The following MAPT variants were observed in gnomAD, a reference collection of about 807,000 sequenced individuals.
MAPT encodes the protein microtubule-associated protein tau.
MAPT carries 34 observed loss-of-function variants against 67.9 expected under a neutral mutation model. The ratio of observed to expected loss-of-function variants is 0.50; its 90% CI spans 0.38 to 0.67. MAPT has a LOEUF of 0.67. Ranked by LOEUF, MAPT falls within the 30% of genes least tolerant of loss-of-function variation. MAPT has a pLI of 0.00. For missense variants in MAPT, 881 were observed against 1,115.2 expected, an observed-to-expected ratio of 0.79 and a Z score of 2.99; for synonymous variants, 456 against 464.5, an observed-to-expected ratio of 0.98 and a Z score of 0.23.
intron 9 of MAPT, among the ~76,000 whole-genome samples, chr17:46,006,974 TAAAATAAATAAAATA>T (rs2075483932): frequency 9.6e-6 from 1 of 104,262 alleles, no homozygotes; most frequent in Non-Finnish European, 2.5e-5. Flanking sequence ...TAAAATAAAA[TAAAATAAATAAAATA>T]AAATAAAATG....
At chr17:45,982,192 C>T (rs1042449673) in intron 4 of MAPT, among the ~76,000 whole-genome samples, 31 of 151,692 alleles carry the variant, frequency 2.0e-4, no homozygotes, top group Non-Finnish European at 3.4e-4. Flanking sequence ...TGTGGTGGCA[C>T]GTGCCTGTAA....
At chr17:45,967,663 C>T (rs1455583792) in intron 2 of MAPT, among the ~76,000 whole-genome samples, 2 of 151,928 alleles carry the variant, frequency 1.3e-5, no homozygotes, top group Non-Finnish European at 2.9e-5. Context: ...GCCTTTTTTT[C>T]ATCTTCTCAT....
chr17:45,998,238 ACCTCCCCCCACCCAGGAT>A (rs1433364750), intron 9 of MAPT, among the ~76,000 whole-genome samples: 1 of 150,642 alleles, frequency 6.6e-6, no homozygotes, highest in Non-Finnish European at 1.5e-5. Context: ...AAACCCTGCC[ACCTCCCCCCACCCAGGAT>A]CCCCCCTGCC....
intron 1 of MAPT, among the ~76,000 whole-genome samples, chr17:45,941,115 A>G (rs372928681): frequency 6.6e-6 from 1 of 152,202 alleles, no homozygotes; most frequent in South Asian, 2.1e-4. Context: ...GGCCTGACCA[A>G]ACCAGCTTCT....
At chr17:45,918,870 C>T (rs1198170717) in intron 1 of MAPT, among the ~76,000 whole-genome samples, 1 of 152,034 alleles carries the variant, frequency 6.6e-6, no homozygotes, top group African/African-American at 2.4e-5. Context: ...CCAGCCTGGC[C>T]AACATGGTGA....
At chr17:45,969,568 T>A (rs113925422) in intron 2 of MAPT, among the ~76,000 whole-genome samples, 8,781 of 129,974 alleles carry the variant, frequency 0.068, 82 homozygotes, top group Non-Finnish European at 0.11. Flanking sequence ...CATTCATCCA[T>A]CCATCCACCC....
intron 1 of MAPT, among the ~76,000 whole-genome samples, chr17:45,904,273 T>TA (rs1344204102): frequency 4.4e-5 from 2 of 45,066 alleles, no homozygotes; most frequent in African/African-American, 1.3e-4. Flanking sequence ...TATATATATT[T>TA]TTATATATAT....
chr17:46,010,407 G>C lies in MAPT; in HGVS notation c.2091+5G>C. 1 of 1,558,108 alleles carries C rather than the reference G, an allele frequency of 6.4e-7. No individual in the cohort carries two copies. Among genetic ancestry groups the C allele is most frequent in the Non-Finnish European group, 8.7e-7 (1 of 1,146,498 alleles). The stretch of plus-strand genomic sequence containing the variant: ...CACGTCCCGGGAGGCGGCAGTGTGA[G>C]TACCTTCACACGTCCCATGCGCCGT... On this transcript the variant is annotated splice_donor_5th_base_variant and intron_variant, in intron 10 of 12. Transcript: ENST00000262410. The surrounding 1 kb of genome is among the most constrained non-coding windows in gnomAD (Gnocchi z 4.7).
At chr17:45,993,834 C>A in intron 8 of MAPT, 1 of 1,357,212 alleles carries the variant, frequency 7.4e-7, no homozygotes, top group Non-Finnish European at 1.0e-6. Context: ...CCCTGCTGGG[C>A]CAGCTGTGGG....
In MAPT at chr17:45,906,586, C is replaced by T. The variant is rs1419333088; in HGVS notation, c.-18+11900C>T. Among the ~76,000 whole-genome samples, 1 of 152,064 alleles carries T rather than the reference C, an allele frequency of 6.6e-6. No homozygotes were observed. The highest frequency in any genetic ancestry group is 6.5e-5 in the Admixed American group (1 of 15,268). On this transcript the variant is annotated intron_variant, in intron 1 of 12. Transcript: ENST00000262410. The surrounding 1 kb of genome is among the most constrained non-coding windows in gnomAD (Gnocchi z 4.3). ...TCACCCTGTAAATGGAGGGTTTCTC[C>T]GGAGCGTGGATGGTGGGAGGTATTT...
chr17:45,966,276 T>C (rs1438536906), intron 2 of MAPT, among the ~76,000 whole-genome samples: 1 of 152,184 alleles, frequency 6.6e-6, no homozygotes, highest in Non-Finnish European at 1.5e-5. Flanking sequence ...TGTTCCAAAA[T>C]AACAAGTTCG....
At chr17:45,902,750 T>C (rs1189896023) in intron 1 of MAPT, among the ~76,000 whole-genome samples, 3 of 152,228 alleles carry the variant, frequency 2.0e-5, no homozygotes, top group African/African-American at 7.2e-5. Flanking sequence ...TTAACTCCCC[T>C]GAGGAAAGAG....
rs1169299135 is a variant in MAPT at position 45,983,311 on chromosome 17, AC to A, written c.734del (p.Pro245LeufsTer24). ...AGGGCCCCAGAGAGGCCACACGCCA[AC>A]CTTCGGGGACAGGACCTGAGGACAC... is the stretch of plus-strand genomic sequence containing the variant. ...PEGPREATRQ[P>X]SGTGPEDTEG... On this transcript the variant is annotated frameshift_variant, in exon 5 of 13. Coordinates refer to ENST00000262410, the MANE Select transcript of MAPT (RefSeq NM_001377265.1). LOFTEE classifies it high-confidence loss of function. 1.9e-6 allele frequency: 3 copies of A among 1,600,358 alleles called. No homozygotes were observed. Among genetic ancestry groups the A allele is most frequent in the Non-Finnish European group, 2.6e-6 (3 of 1,174,202 alleles).
chr17:45,999,485 G>A (rs370140745), intron 9 of MAPT: 4 of 1,613,938 alleles, frequency 2.5e-6, no homozygotes, highest in Admixed American at 1.7e-5. Context: ...GGCTTGGAAG[G>A]TGTGGGCACC....
chr17:45,930,901 G>A (rs111632124), intron 1 of MAPT, among the ~76,000 whole-genome samples: 1 of 152,136 alleles, frequency 6.6e-6, no homozygotes, highest in African/African-American at 2.4e-5. Flanking sequence ...CTCTGTTTCC[G>A]GGGCTGAGTG....
intron 3 of MAPT, chr17:45,973,199 G>T (rs1598220055): frequency 6.6e-6 from 1 of 152,140 alleles, no homozygotes; most frequent in Non-Finnish European, 1.5e-5. Context: ...TAATGCTACA[G>T]CTTTAGAGGA....
At chr17:46,020,006 C>A (rs2076421814) in intron 12 of MAPT, among the ~76,000 whole-genome samples, 1 of 48,510 alleles carries the variant, frequency 2.1e-5, no homozygotes, top group African/African-American at 7.9e-5. Flanking sequence ...AGTGAGATTC[C>A]ATCTCACAAA....
Position 45,972,206 on chromosome 17 carries a change from G to A in MAPT, c.220+261G>A, listed in dbSNP as rs1053369463. 35 of 649,092 alleles carry A rather than the reference G, an allele frequency of 5.4e-5. 1 individual carries two copies. The highest frequency in any genetic ancestry group is 7.4e-5 in the Non-Finnish European group (26 of 352,264). The allele number at this position is 649,092 out of a possible 1,614,324, so 40.2% of individuals were successfully genotyped here. A position where few individuals can be genotyped will look rare whatever the true frequency, so the allele number is the denominator to read the frequency against. On this transcript the variant is annotated intron_variant, in intron 3 of 12. Transcript: ENST00000262410. Reference sequence around the variant, plus strand: ...CCCGCGCACAGCTCCACAAAGCCCCGCTCCATACGATTGTCCTCCCACACC... The same window carrying A: ...CCCGCGCACAGCTCCACAAAGCCCCACTCCATACGATTGTCCTCCCACACC...
In MAPT at chr17:45,976,990, C is replaced by G. The variant is rs141874399; in HGVS notation, c.221-1385C>G. The G allele has an allele frequency of 5.4e-3, 828 of 152,726 alleles. 10 individuals are homozygous for G. Among genetic ancestry groups the G allele is most frequent in the Admixed American group, 0.022 (338 of 15,320 alleles). The allele number at this position is 152,726 out of a possible 1,614,324, so 9.5% of individuals were successfully genotyped here. ...CAGAAACTCAGGCCGAATCTGCACTCAGAGTTGTGCCCAGGCAGTTGAGCC... is the reference window on the plus strand; with the variant it reads ...CAGAAACTCAGGCCGAATCTGCACTGAGAGTTGTGCCCAGGCAGTTGAGCC... On this transcript the variant is annotated intron_variant, in intron 3 of 12. Coordinates refer to ENST00000262410, the MANE Select transcript of MAPT (RefSeq NM_001377265.1).
Sources: allele counts gnomAD v4.1 joint callset (sites outside exome capture counted in the v4.1 genomes callset), GRCh38; gene constraint gnomAD v4.1.1; non-coding constraint Gnocchi (gnomAD v3.1); transcripts MANE v1.5; gene names NCBI Gene and HGNC (gene_info 2026-07-23, HGNC 2026-07-21).